The following BRCA1 variants were observed in gnomAD, a reference collection of about 807,000 sequenced individuals.
BRCA1 encodes BRCA1 DNA repair associated, also known as breast cancer type 1 susceptibility protein.
A neutral mutation model predicts 173.7 loss-of-function variants in BRCA1; 140 were observed. That is an observed-to-expected ratio of 0.81 (90% CI 0.70 to 0.93). BRCA1 has a LOEUF of 0.93. Ranked by LOEUF, BRCA1 falls within the 40% of genes least tolerant of loss-of-function variation. The pLI, the probability that BRCA1 is intolerant of heterozygous loss-of-function variation, is 0.00. For missense variants in BRCA1, 1,983 were observed against 2,172.5 expected (o/e 0.91, Z 1.73); for synonymous variants, 662 against 756.0 (o/e 0.88, Z 2.04).
chr17:43,057,282 G>A, intron 18 of BRCA1, 147 bp from the exon 19 acceptor site: 2 of 762,434 alleles, frequency 2.6e-6, no homozygotes, highest in South Asian at 1.4e-5. Context: ...GACTGAGGCA[G>A]GCAGATCACT....
rs1190376357 is a variant in BRCA1, at chr17:43,067,490, G to A, written c.5074+118C>T. On this transcript the variant is annotated intron_variant, in intron 16 of 22. Transcript: ENST00000357654. ...AGGATGGTCTCGATCTCCTAATCTCGTGATCTGCCCGCCTCGGCCTCCCAA... is the reference window on the plus strand; with the variant it reads ...AGGATGGTCTCGATCTCCTAATCTCATGATCTGCCCGCCTCGGCCTCCCAA... 11 of 766,956 alleles carry A rather than the reference G, an allele frequency of 1.4e-5. No individual in the cohort carries two copies. Among genetic ancestry groups the A allele is most frequent in the South Asian group, 7.2e-5 (5 of 69,372 alleles). 47.5% of individuals were successfully genotyped at this position (766,956 alleles called of 1,614,324 possible).
At chr17:43,149,224 G>A (rs556361934) in intron 1 of BRCA1, among the ~76,000 whole-genome samples, 13 of 149,694 alleles carry the variant, frequency 8.7e-5, no homozygotes, top group African/African-American at 3.2e-4. Context: ...TCAGCCTCCC[G>A]AGTAGCTGGG....
chr17:43,060,166 G>A (rs962133076), intron 18 of BRCA1, among the ~76,000 whole-genome samples: 2 of 152,080 alleles, frequency 1.3e-5, no homozygotes, highest in Non-Finnish European at 2.9e-5. Flanking sequence ...CACCTCCCGG[G>A]TTGATGAAGT....
At chr17:43,162,448 A>G (rs894193204) in intron 1 of BRCA1, 1 of 152,080 alleles carries the variant, frequency 6.6e-6, no homozygotes, top group Non-Finnish European at 1.5e-5. Context: ...CTCAGTCCTT[A>G]ATCTTATTTT....
intron 1 of BRCA1, chr17:43,153,817 C>T (rs530390596): frequency 6.6e-6 from 1 of 152,326 alleles, no homozygotes; most frequent in African/African-American, 2.4e-5. Context: ...TAGATCACTT[C>T]AGAAGACGCA....
intron 2 of BRCA1, chr17:43,119,365 GT>G: frequency 8.9e-6 from 2 of 224,780 alleles, no homozygotes; most frequent in Non-Finnish European, 1.8e-5. Context: ...TAATCATGGG[GT>G]TTTTGACATA....
At chr17:43,124,332 G>A (rs2055764463) in intron 1 of BRCA1, among the ~76,000 whole-genome samples, 1 of 152,028 alleles carries the variant, frequency 6.6e-6, no homozygotes, top group Non-Finnish European at 1.5e-5. Flanking sequence ...TTCACATATT[G>A]CTGCCAACCC....
chr17:43,086,213 T>A (rs1159810161), intron 11 of BRCA1, among the ~76,000 whole-genome samples: 1 of 151,722 alleles, frequency 6.6e-6, no homozygotes, highest in Non-Finnish European at 1.5e-5. Context: ...TGATTTACAT[T>A]GCTAATGCAT....
chr17:43,095,553 G>C (rs1221256154), intron 9 of BRCA1, among the ~76,000 whole-genome samples: 1 of 151,518 alleles, frequency 6.6e-6, no homozygotes, highest in Non-Finnish European at 1.5e-5. Flanking sequence ...CTGCACTCCA[G>C]CCTGGGCAAC....
intron 2 of BRCA1, among the ~76,000 whole-genome samples, chr17:43,123,118 C>G (rs982232458): frequency 2.6e-5 from 4 of 151,742 alleles, no homozygotes; most frequent in Non-Finnish European, 4.4e-5. Context: ...ATCGTCCCTG[C>G]TACTCTGGAG....
rs1386302876 is a variant in BRCA1, at chr17:43,071,575, C to T, written c.4676-337G>A. Among the ~76,000 whole-genome samples the T allele has an allele frequency of 3.3e-5, 5 of 151,894 alleles. No individual in the cohort carries two copies. In the East Asian group the frequency reaches 5.8e-4, roughly 18 times the overall value. On this transcript the variant is annotated intron_variant, in intron 14 of 22. Coordinates refer to ENST00000357654, the MANE Select transcript of BRCA1 (RefSeq NM_007294.4). ...TGTCCAATAATAGGAGATTAAATTA[C>T]GATATACCTAGTCCAATGGAGTACT...
At chr17:43,145,188 C>T (rs1403360575) in intron 1 of BRCA1, 3 of 710,478 alleles carry the variant, frequency 4.2e-6, no homozygotes, top group Non-Finnish European at 2.7e-6. Flanking sequence ...CTGCAGAAAA[C>T]AGGGGAAACG....
upstream of BRCA1, among the ~76,000 whole-genome samples, chr17:43,129,252 G>A (rs150661089): frequency 6.6e-6 from 1 of 152,294 alleles, no homozygotes; most frequent in African/African-American, 2.4e-5. Context: ...CAAGATTAAT[G>A]CTCTTGCTGA....
chr17:43,068,619 A>T (rs1476910023), intron 15 of BRCA1, among the ~76,000 whole-genome samples: 1 of 152,108 alleles, frequency 6.6e-6, no homozygotes, highest in Non-Finnish European at 1.5e-5. Context: ...ATATCATTCG[A>T]TTCCCTAAGA....
At chr17:43,100,688 T>TATATATAATATA (rs1567807850) in intron 6 of BRCA1, among the ~76,000 whole-genome samples, 1 of 98,826 alleles carries the variant, frequency 1.0e-5, no homozygotes, top group African/African-American at 4.5e-5. Context: ...AATATATATA[T>TATATATAATATA]ATATATATAT....
At chr17:43,103,334 T>C (rs544453284) in intron 6 of BRCA1, among the ~76,000 whole-genome samples, 54 of 151,848 alleles carry the variant, frequency 3.6e-4, no homozygotes, top group Non-Finnish European at 5.6e-4. Flanking sequence ...AGGTCTGGTG[T>C]CGTACCCCTG....
At chr17:43,098,169 T>C (rs1460738070) in intron 7 of BRCA1, among the ~76,000 whole-genome samples, 2 of 151,328 alleles carry the variant, frequency 1.3e-5, no homozygotes, top group African/African-American at 4.9e-5. Context: ...GGACTACAGA[T>C]GCACACCACC....
At chr17:43,104,700 G>A (rs2054660289) in intron 5 of BRCA1, among the ~76,000 whole-genome samples, 168 bp downstream of exon 5, 1 of 152,160 alleles carries the variant, frequency 6.6e-6, no homozygotes, top group Non-Finnish European at 1.5e-5. Context: ...GATAAAATAA[G>A]GTGTGAGACC....
At chr17:43,125,556 CG>C (rs374524253), upstream of BRCA1, 37 of 306,054 alleles carry the variant, frequency 1.2e-4, no homozygotes, top group African/African-American at 6.3e-4. Flanking sequence ...AGTCTGCCCC[CG>C]GATGACGTAA....
Sources: gnomAD v4.1 joint callset for allele counts (sites outside exome capture counted in the v4.1 genomes callset) on GRCh38, gnomAD v4.1.1 for gene constraint, MANE v1.5 for transcripts, NCBI Gene and HGNC (gene_info 2026-07-23, HGNC 2026-07-21) for gene names.